PABPC4L: variants seen among roughly 807,000 people sequenced by gnomAD.
The protein encoded by PABPC4L is poly(A) binding protein cytoplasmic 4 like.
For synonymous variants in PABPC4L, 169 were observed against 164.1 expected (o/e 1.03, Z -0.23); for missense variants, 452 against 451.4 (o/e 1.00, Z -0.01).
chr4:134,075,767 T>C, the PABPC4L span, among the ~76,000 whole-genome samples: 6 of 152,146 alleles, frequency 3.9e-5, no homozygotes, highest in Non-Finnish European at 8.8e-5. Context: ...TTGCTTCTTA[T>C]TCTTACTTGA....
chr4:133,979,652 A>C, the PABPC4L span, among the ~76,000 whole-genome samples: 1 of 152,170 alleles, frequency 6.6e-6, no homozygotes, highest in Non-Finnish European at 1.5e-5. Flanking sequence ...TCTCACATTT[A>C]CCAGATAAAA....
At chr4:134,140,327 G>T in the PABPC4L span, among the ~76,000 whole-genome samples, 1 of 151,834 alleles carries the variant, frequency 6.6e-6, no homozygotes, top group East Asian at 1.9e-4. Flanking sequence ...AAAACATCAT[G>T]ATGTATACCT....
the PABPC4L span, among the ~76,000 whole-genome samples, chr4:133,959,012 T>C: frequency 6.6e-6 from 1 of 152,298 alleles, no homozygotes; most frequent in South Asian, 2.1e-4. Context: ...CATCAAACTT[T>C]GTGTAAAAAT....
the PABPC4L span, among the ~76,000 whole-genome samples, chr4:134,189,877 C>G: frequency 2.0e-5 from 3 of 152,044 alleles, no homozygotes; most frequent in Non-Finnish European, 4.4e-5. Flanking sequence ...CTAGGTTAGG[C>G]TCTGGGAAAA....
At chr4:134,127,492 C>A in the PABPC4L span, among the ~76,000 whole-genome samples, 1 of 152,084 alleles carries the variant, frequency 6.6e-6, no homozygotes, top group East Asian at 1.9e-4. Flanking sequence ...TGCAGACACT[C>A]CCCATTACCA....
At chr4:134,082,126 G>A in the PABPC4L span, among the ~76,000 whole-genome samples, 1 of 152,096 alleles carries the variant, frequency 6.6e-6, no homozygotes, top group African/African-American at 2.4e-5. Flanking sequence ...AAGACTTTCT[G>A]ACATGATTCA....
At chr4:133,982,001 TA>T in the PABPC4L span, among the ~76,000 whole-genome samples, 1 of 151,940 alleles carries the variant, frequency 6.6e-6, no homozygotes, top group Non-Finnish European at 1.5e-5. Flanking sequence ...TATAGGGACA[TA>T]AAAAAGGAAA....
chr4:134,071,121 ATTCTGGAGG>A, the PABPC4L span, among the ~76,000 whole-genome samples: 6 of 152,092 alleles, frequency 3.9e-5, no homozygotes, highest in East Asian at 1.2e-3. Context: ...TGCTGCCAGG[ATTCTGGAGG>A]TCCATGGCAA....
At chr4:133,968,081 T>C in the PABPC4L span, among the ~76,000 whole-genome samples, 1 of 152,262 alleles carries the variant, frequency 6.6e-6, no homozygotes, top group African/African-American at 2.4e-5. Context: ...CACAAAATTA[T>C]AGAGTCTTCG....
At chr4:133,958,227 G>A in the PABPC4L span, among the ~76,000 whole-genome samples, 1 of 152,138 alleles carries the variant, frequency 6.6e-6, no homozygotes, top group Non-Finnish European at 1.5e-5. Flanking sequence ...CAGATCTCTA[G>A]GGGAGGGGCA....
chr4:134,022,421 T>C, the PABPC4L span, among the ~76,000 whole-genome samples: 2 of 152,010 alleles, frequency 1.3e-5, no homozygotes, highest in African/African-American at 4.8e-5. Context: ...CACACACACA[T>C]GCATGCACGC....
At chr4:134,166,785 G>A in the PABPC4L span, among the ~76,000 whole-genome samples, 6 of 152,206 alleles carry the variant, frequency 3.9e-5, no homozygotes, top group East Asian at 9.7e-4. Context: ...AGATCCAGAG[G>A]TGCCCAACTT....
chr4:134,140,766 T>C, the PABPC4L span, among the ~76,000 whole-genome samples: 3 of 151,852 alleles, frequency 2.0e-5, no homozygotes, highest in East Asian at 5.8e-4. Flanking sequence ...TTTGACTAGT[T>C]TGATTATGTT....
chr4:134,043,178 A>G, the PABPC4L span, among the ~76,000 whole-genome samples: 1 of 108,616 alleles, frequency 9.2e-6, no homozygotes, highest in Non-Finnish European at 1.8e-5. Context: ...CACCATATAC[A>G]GCACAATTTG....
At chr4:134,184,397 C>T in the PABPC4L span, among the ~76,000 whole-genome samples, 24 of 152,056 alleles carry the variant, frequency 1.6e-4, no homozygotes, top group African/African-American at 5.5e-4. Flanking sequence ...AGACAAGCAA[C>T]AGACTGGGCT....
At chr4:134,142,955 C>T in the PABPC4L span, among the ~76,000 whole-genome samples, 1 of 151,478 alleles carries the variant, frequency 6.6e-6, no homozygotes, top group South Asian at 2.1e-4. Context: ...GGATATGGGG[C>T]CTTGTCTAGT....
At chr4:134,158,218 C>T in the PABPC4L span, among the ~76,000 whole-genome samples, 1 of 151,940 alleles carries the variant, frequency 6.6e-6, no homozygotes, top group Non-Finnish European at 1.5e-5. Context: ...ATTATCCTTT[C>T]CATACACTTT....
the PABPC4L span, among the ~76,000 whole-genome samples, chr4:134,016,193 T>A: frequency 6.6e-6 from 1 of 152,156 alleles, no homozygotes; most frequent in Non-Finnish European, 1.5e-5. Flanking sequence ...TTGAGGCTAC[T>A]GCTCTGTCCC....
the PABPC4L span, among the ~76,000 whole-genome samples, chr4:134,093,065 G>A: frequency 2.0e-4 from 30 of 151,550 alleles, no homozygotes; most frequent in Non-Finnish European, 4.0e-4. Context: ...CTGTTAAAAT[G>A]GCCATTTTCT....
Sources: gnomAD v4.1 joint callset for allele counts (sites outside exome capture counted in the v4.1 genomes callset) on GRCh38, gnomAD v4.1.1 for gene constraint, MANE v1.5 for transcripts, NCBI Gene and HGNC (gene_info 2026-07-23, HGNC 2026-07-21) for gene names.